The following IFT172 variants were observed in gnomAD, a reference collection of about 807,000 sequenced individuals.
IFT172 encodes intraflagellar transport protein 172 homolog.
Under a neutral mutation model 248.9 loss-of-function variants are expected in IFT172, and 164 were observed. That is an observed-to-expected ratio of 0.66 (90% CI 0.58 to 0.75). The LOEUF (loss-of-function observed/expected upper bound fraction) is 0.75. Ranked by LOEUF, IFT172 falls within the 30% of genes least tolerant of loss-of-function variation. IFT172 has a pLI of 0.00. For synonymous variants in IFT172, 729 were observed against 791.6 expected (o/e 0.92, Z 1.33); for missense variants, 1,950 against 2,192.4 (o/e 0.89, Z 2.21).
chr2:27,448,931 G>A lies in IFT172; in HGVS notation c.4412C>T (p.Ala1471Val), dbSNP rs1219587063. 1.3e-6 allele frequency: 2 copies of A among 1,573,896 alleles called. No individual in the cohort carries two copies. Among genetic ancestry groups the A allele is most frequent in the South Asian group, 1.1e-5 (1 of 90,388 alleles). ...GGCTGGTACCTGTGGGTTAGCAGGGGCTCCGTGCTGTACATACAGGGCCAA... is the reference window on the plus strand; with the variant it reads ...GGCTGGTACCTGTGGGTTAGCAGGGACTCCGTGCTGTACATACAGGGCCAA... ...QALALYVQHG[A>V]PANPQNFNIY... The change falls in exon 40 of 48, where the codon GCC (alanine) becomes GTC (valine). Residue 1471 changes from alanine (A) to valine (V), a missense_variant. Transcript: ENST00000260570.
At position 27,488,159 on chromosome 2, in the gene IFT172, AT is replaced by A. The variant is rs1217818098; in HGVS notation, c.39+1455del. ...CACCACACGAGGCTATTTAAAAAAA[AT>A]TTTTTTTTTTTGGACAAAGTCTCAC... On this transcript the variant is annotated intron_variant, in intron 1 of 47. Coordinates refer to ENST00000260570, the MANE Select transcript of IFT172 (RefSeq NM_015662.3). Among the ~76,000 whole-genome samples, 458 of 140,626 alleles carry A rather than the reference AT, an allele frequency of 3.3e-3. 3 individuals are homozygous for A. Among genetic ancestry groups the A allele is most frequent in the African/African-American group, 0.011 (408 of 38,058 alleles). The allele number at this position is 140,626 out of a possible 152,430, so 92.3% of individuals were successfully genotyped here.
intron 39 of IFT172, 90 bp from the exon 40 acceptor site, chr2:27,449,121 G>C: frequency 9.3e-7 from 1 of 1,080,544 alleles, no homozygotes; most frequent in Non-Finnish European, 1.4e-6. Flanking sequence ...TTGTTGAGGG[G>C]AAAAAGGGTG....
intron 30 of IFT172, chr2:27,455,380 C>T (rs1481777119): frequency 1.1e-5 from 3 of 267,926 alleles, no homozygotes; most frequent in African/African-American, 4.7e-5. Flanking sequence ...GAGTGATCAG[C>T]CCCAGATTTG....
chr2:27,475,971 C>G (rs1309054208), intron 14 of IFT172, among the ~76,000 whole-genome samples: 1 of 151,690 alleles, frequency 6.6e-6, no homozygotes, highest in African/African-American at 2.4e-5. Context: ...ATAGGTAATG[C>G]TATTCTCTAT....
At position 27,458,991 on chromosome 2, in the gene IFT172, A is replaced by T. The variant is rs147462215; in HGVS notation, c.2788-123T>A. The T allele has an allele frequency of 1.5e-4, 148 of 957,910 alleles. 1 individual carries two copies. The African/African-American group carries it at 2.1e-3, about 13-fold the overall frequency. 59.3% of individuals were successfully genotyped at this position (957,910 alleles called of 1,614,324 possible). A position where few individuals can be genotyped will look rare whatever the true frequency, so the allele number is the denominator to read the frequency against. On this transcript the variant is annotated intron_variant, in intron 25 of 47. Transcript: ENST00000260570. The stretch of plus-strand genomic sequence containing the variant: ...CTGCGATACAACCTTGTAATAATAG[A>T]GAAGAAAAGATGAGTATGGGTGTCT...
intron 7 of IFT172, among the ~76,000 whole-genome samples, 200 bp from the exon 8 acceptor site, chr2:27,481,460 C>T (rs1668364500): frequency 6.6e-6 from 1 of 151,826 alleles, no homozygotes; most frequent in African/African-American, 2.4e-5. Flanking sequence ...CACATACACA[C>T]ACACACACAC....
rs201243826 is a variant in IFT172, at chr2:27,459,696, C to T, written c.2642+13G>A. 262 of 1,611,534 alleles carry T rather than the reference C, an allele frequency of 1.6e-4. No homozygotes were observed. The highest frequency in any genetic ancestry group is 3.2e-4 in the Admixed American group (19 of 60,026). On this transcript the variant is annotated intron_variant, in intron 24 of 47. Transcript: ENST00000260570. ...CACACCTAAATCTCCTTTACATTCC[C>T]ATACTCCCATACCTGGCTTCGATGT...
chr2:27,484,059 G>T (rs1477635339), intron 4 of IFT172, 122 bp from the exon 5 acceptor site: 1 of 1,269,568 alleles, frequency 7.9e-7, no homozygotes. Flanking sequence ...ACACAGCAGG[G>T]CTCTAAGGAA....
chr2:27,480,298 T>C, intron 8 of IFT172, 149 bp from the exon 9 acceptor site: 3 of 1,214,752 alleles, frequency 2.5e-6, no homozygotes, highest in Non-Finnish European at 3.3e-6. Context: ...CAGAAGAGGA[T>C]ATAAAGGTGC....
At chr2:27,453,843 T>C in intron 33 of IFT172, 104 bp from the exon 34 acceptor site, 1 of 1,382,002 alleles carries the variant, frequency 7.2e-7, no homozygotes, top group Non-Finnish European at 1.0e-6. Context: ...TGGACCTCTC[T>C]TCTCCTCCTC....
chr2:27,444,688 C>T (rs1372271100), intron 47 of IFT172, among the ~76,000 whole-genome samples, 167 bp from the exon 48 acceptor site: 4 of 152,134 alleles, frequency 2.6e-5, no homozygotes, highest in African/African-American at 9.7e-5. Flanking sequence ...TGCTTTGTCG[C>T]CCAGGCTGGA....
rs1474615185 is a variant in IFT172, at chr2:27,447,624, A to G, written c.4550T>C (p.Leu1517Pro). ...AGAGTTTGCCTCACTGGACTTCACC[A>G]GGTTTTCACACTAGAGGAGGGAGAC... ...RDVLFNLCENLVKSSEANSPA... is the reference protein window; with the variant it reads ...RDVLFNLCENPVKSSEANSPA... Residue 1517 changes from leucine to proline, a missense_variant, in exon 42 of 48, where the codon CTG (leucine) becomes CCG (proline). By Grantham distance (98) the Leu-to-Pro change is moderately conservative. Around this residue, in one of 3 missense-constraint regions of IFT172, gnomAD observed 620 missense variants for 699.0 expected, o/e 0.89. Coordinates refer to ENST00000260570, the MANE Select transcript of IFT172 (RefSeq NM_015662.3). 5.0e-6 allele frequency: 8 copies of G among 1,614,030 alleles called. No homozygotes were observed. The highest frequency in any genetic ancestry group is 1.3e-5 in the African/African-American group (1 of 74,916).
intron 26 of IFT172, 36 bp from the exon 27 acceptor site, chr2:27,458,259 A>G (rs1186461368): frequency 6.4e-7 from 1 of 1,566,154 alleles, no homozygotes; most frequent in South Asian, 1.1e-5. Flanking sequence ...CCTCAGATCC[A>G]ATTCCCCAGG....
At chr2:27,488,406 G>A (rs1016942720) in intron 1 of IFT172, among the ~76,000 whole-genome samples, 10 of 151,772 alleles carry the variant, frequency 6.6e-5, no homozygotes, top group Admixed American at 1.3e-4. Flanking sequence ...CGCCCGCCTC[G>A]GCCTCCCAAA....
chr2:27,474,955 T>G (rs2148537704), intron 14 of IFT172, among the ~76,000 whole-genome samples: 1 of 152,202 alleles, frequency 6.6e-6, no homozygotes, highest in Middle Eastern at 3.4e-3. Flanking sequence ...AGCCACAGGC[T>G]GAGGCAAAAA....
At chr2:27,449,124 A>G in intron 39 of IFT172, 93 bp from the exon 40 acceptor site, 1 of 1,085,182 alleles carries the variant, frequency 9.2e-7, no homozygotes, top group Non-Finnish European at 1.4e-6. Flanking sequence ...TTGAGGGGAA[A>G]AAGGGTGTAC....
rs1160625178 is a variant in IFT172 at position 27,477,260 on chromosome 2, G to C, written c.1282C>G (p.Leu428Val). ...TLVEYGNNDT[L>V]GSVRTEFMNP... ...ATGAATTCAGTGCGTACAGAACCCAGGGTGTCATTATTCCCATATTCCACC... is the reference window on the plus strand; with the variant it reads ...ATGAATTCAGTGCGTACAGAACCCACGGTGTCATTATTCCCATATTCCACC... The change falls in exon 13 of 48, where the codon CTG becomes GTG. Residue 428 changes from leucine to valine, a missense_variant. Transcript: ENST00000260570. The C allele has an allele frequency of 1.9e-6, 3 of 1,614,032 alleles. No individual in the cohort carries two copies. Among genetic ancestry groups the C allele is most frequent in the Non-Finnish European group, 2.5e-6 (3 of 1,180,036 alleles).
At chr2:27,459,154 A>G in intron 25 of IFT172, 1 of 626,346 alleles carries the variant, frequency 1.6e-6, no homozygotes, top group Non-Finnish European at 2.7e-6. Context: ...TGACTGGAAC[A>G]CAGCTAGAGA....
Position 27,453,491 on chromosome 2 carries a change from G to T in IFT172, c.3844C>A (p.Gln1282Lys), listed in dbSNP as rs1665885295. The part of the protein sequence containing the change: ...GARGVEGFVE[Q>K]ARHWEQAGEY... Reference sequence around the variant, plus strand: ...CCAGCCTGCTCCCAGTGTCGAGCTTGTTCCACAAATCCCTCCACACCCCTG... The same window carrying T: ...CCAGCCTGCTCCCAGTGTCGAGCTTTTTCCACAAATCCCTCCACACCCCTG... The change falls in exon 35 of 48, where the codon CAA (glutamine) becomes AAA (lysine). Residue 1282 changes from glutamine to lysine, a missense_variant. Gln to Lys is a moderately conservative substitution (Grantham distance 53). Coordinates refer to ENST00000260570, the MANE Select transcript of IFT172 (RefSeq NM_015662.3). The T allele has an allele frequency of 6.2e-7, 1 of 1,614,176 alleles. No individual in the cohort carries two copies. Among genetic ancestry groups the T allele is most frequent in the Non-Finnish European group, 8.5e-7 (1 of 1,180,024 alleles).
Sources: gnomAD v4.1 joint callset for allele counts (sites outside exome capture counted in the v4.1 genomes callset) on GRCh38, gnomAD v4.1.1 for gene constraint, gnomAD v4.1.1 regional missense constraint, MANE v1.5 for transcripts, NCBI Gene and HGNC (gene_info 2026-07-23, HGNC 2026-07-21) for gene names.